OR2L13: variants seen among roughly 807,000 people sequenced by gnomAD.
OR2L13 encodes the protein olfactory receptor family 2 subfamily L member 13.
OR2L13 carries 14 observed loss-of-function variants against 15.3 expected under a neutral mutation model. The ratio of observed to expected loss-of-function variants is 0.91; its 90% CI spans 0.60 to 1.43. The LOEUF (loss-of-function observed/expected upper bound fraction) is 1.43. Among genes scored for constraint, OR2L13 ranks in the 40% most tolerant of loss-of-function variants. OR2L13 has a pLI of 0.00. For synonymous variants in OR2L13, 152 were observed against 142.9 expected (o/e 1.06, Z -0.45); for missense variants, 367 against 387.9 (o/e 0.95, Z 0.45).
the OR2L13 span, chr1:248,023,744 T>G: frequency 6.6e-6 from 1 of 152,278 alleles, no homozygotes; most frequent in South Asian, 2.1e-4. Flanking sequence ...AGGTCCATTC[T>G]CTGAGTGAAA....
upstream of OR2L13, among the ~76,000 whole-genome samples, chr1:248,091,678 A>G (rs1004385183): frequency 1.3e-4 from 20 of 152,058 alleles, no homozygotes; most frequent in Non-Finnish European, 2.4e-4. Context: ...TGTTTTGATT[A>G]TTGTAGCCTT....
the OR2L13 span, among the ~76,000 whole-genome samples, chr1:247,989,463 A>G: frequency 1.3e-5 from 2 of 152,188 alleles, no homozygotes; most frequent in African/African-American, 4.8e-5. Flanking sequence ...GATCTTGATG[A>G]CATCTGAGTT....
At chr1:248,085,346 A>C in the OR2L13 span, among the ~76,000 whole-genome samples, 1 of 150,678 alleles carries the variant, frequency 6.6e-6, no homozygotes, top group African/African-American at 2.4e-5. Context: ...GCCCTGGTAT[A>C]CTTATGTAAC....
the OR2L13 span, among the ~76,000 whole-genome samples, chr1:247,942,306 C>T: frequency 6.6e-6 from 1 of 152,148 alleles, no homozygotes; most frequent in African/African-American, 2.4e-5. Context: ...ACAAGGTCCT[C>T]ATTTCCCTTA....
At chr1:248,044,588 G>A in the OR2L13 span, among the ~76,000 whole-genome samples, 1 of 85,600 alleles carries the variant, frequency 1.2e-5, no homozygotes, top group Non-Finnish European at 2.0e-5. Context: ...TGGATCATGA[G>A]GTCAGGAGAT....
chr1:248,083,896 T>G, the OR2L13 span: 3 of 1,610,888 alleles, frequency 1.9e-6, no homozygotes, highest in African/African-American at 2.7e-5. Flanking sequence ...GCGAAGGCCT[T>G]CTTGCGGGCT....
chr1:248,084,262 G>A, the OR2L13 span: 1 of 1,611,786 alleles, frequency 6.2e-7, no homozygotes, highest in Non-Finnish European at 8.5e-7. Flanking sequence ...GCTGCTAAGA[G>A]GAAGCACTCT....
At chr1:248,084,422 G>A in the OR2L13 span, 5 of 1,607,142 alleles carry the variant, frequency 3.1e-6, no homozygotes, top group Non-Finnish European at 4.2e-6. Flanking sequence ...TCAGGAGGAA[G>A]TACATGGGCG....
the OR2L13 span, among the ~76,000 whole-genome samples, chr1:248,028,745 C>A: frequency 3.3e-5 from 5 of 152,114 alleles, no homozygotes; most frequent in African/African-American, 1.2e-4. Flanking sequence ...TCATATCCCC[C>A]ATATTTGCAT....
chr1:248,080,887 A>G, the OR2L13 span, among the ~76,000 whole-genome samples: 13,695 of 152,166 alleles, frequency 0.09, 826 homozygotes, highest in African/African-American at 0.17. Context: ...TACACTCCCA[A>G]CAACAGTGTT....
At chr1:248,079,592 T>A in the OR2L13 span, among the ~76,000 whole-genome samples, 1 of 152,164 alleles carries the variant, frequency 6.6e-6, no homozygotes, top group African/African-American at 2.4e-5. Flanking sequence ...TAATGTGGTA[T>A]CTGTTCGGTA....
upstream of OR2L13, among the ~76,000 whole-genome samples, chr1:248,096,275 G>C (rs58512166): frequency 0.16 from 23,890 of 151,590 alleles, 3,123 homozygotes; most frequent in African/African-American, 0.36. Flanking sequence ...CCCAGCTACT[G>C]GGGAGGCTGA....
At chr1:248,015,018 C>T in the OR2L13 span, among the ~76,000 whole-genome samples, 1 of 152,030 alleles carries the variant, frequency 6.6e-6, no homozygotes, top group Non-Finnish European at 1.5e-5. Context: ...GTCTGTCTGC[C>T]CACTTACCTA....
At chr1:248,000,317 G>T in the OR2L13 span, among the ~76,000 whole-genome samples, 19 of 152,104 alleles carry the variant, frequency 1.2e-4, no homozygotes, top group African/African-American at 3.9e-4. Context: ...CATCCTCCTT[G>T]GTTCCCAACT....
At chr1:247,945,154 GT>G in the OR2L13 span, among the ~76,000 whole-genome samples, 1 of 151,958 alleles carries the variant, frequency 6.6e-6, no homozygotes, top group Non-Finnish European at 1.5e-5. Flanking sequence ...AGTGCCATAA[GT>G]TTCCCCTTTA....
the OR2L13 span, chr1:248,061,398 C>G: frequency 3.1e-6 from 5 of 1,613,984 alleles, no homozygotes; most frequent in Non-Finnish European, 4.2e-6. Flanking sequence ...CCTACCTGAC[C>G]TGCAGCACCC....
At chr1:248,076,681 C>T in the OR2L13 span, among the ~76,000 whole-genome samples, 5 of 152,216 alleles carry the variant, frequency 3.3e-5, no homozygotes, top group African/African-American at 4.8e-5. Flanking sequence ...GTGATTTTTG[C>T]ACATTGATTT....
At chr1:248,038,688 G>T in the OR2L13 span, 2 of 1,614,154 alleles carry the variant, frequency 1.2e-6, no homozygotes, top group Non-Finnish European at 8.5e-7. Context: ...AAGAGTGTGT[G>T]TGATGATGAT....
upstream of OR2L13, among the ~76,000 whole-genome samples, chr1:248,092,922 C>T (rs1246663493): frequency 6.6e-6 from 1 of 152,094 alleles, no homozygotes; most frequent in African/African-American, 2.4e-5. Flanking sequence ...CCATATTTTC[C>T]TCTAAAGAAT....
Sources: gnomAD v4.1 joint callset for allele counts (sites outside exome capture counted in the v4.1 genomes callset) on GRCh38, gnomAD v4.1.1 for gene constraint, MANE v1.5 for transcripts, NCBI Gene and HGNC (gene_info 2026-07-23, HGNC 2026-07-21) for gene names.